Variants in PPP3R1 observed in about 807,000 individuals in gnomAD.
PPP3R1 encodes the protein calcineurin subunit B type 1.
Under a neutral mutation model 22.6 loss-of-function variants are expected in PPP3R1, and 5 were observed. That is an observed-to-expected ratio of 0.22 (90% CI 0.12 to 0.46). PPP3R1 has a LOEUF of 0.46. Among genes scored for constraint, PPP3R1 ranks in the 20% least tolerant of loss-of-function variants. The probability of loss-of-function intolerance (pLI) is 0.99; values close to 1 mark genes in which losing one functional copy is unlikely to be tolerated. For missense variants in PPP3R1, 61 were observed against 203.2 expected (o/e 0.30, Z 4.25); for synonymous variants, 56 against 65.2 (o/e 0.86, Z 0.68).
chr2:68,249,031 T>A (rs1670286949), intron 1 of PPP3R1, among the ~76,000 whole-genome samples: 1 of 152,196 alleles, frequency 6.6e-6, no homozygotes, highest in African/African-American at 2.4e-5. Context: ...TAGGAATGAA[T>A]CCCTGTTGCT....
chr2:68,248,952 G>A (rs1418530275), intron 1 of PPP3R1, among the ~76,000 whole-genome samples: 2 of 152,116 alleles, frequency 1.3e-5, no homozygotes, highest in African/African-American at 2.4e-5. Context: ...CTTAATCATT[G>A]CAATATCCTC....
chr2:68,248,103 A>G (rs1355511340), intron 1 of PPP3R1, among the ~76,000 whole-genome samples: 2 of 152,140 alleles, frequency 1.3e-5, no homozygotes, highest in African/African-American at 2.4e-5. Flanking sequence ...CTTCCTCTCC[A>G]GCCACGCTAA....
intron 1 of PPP3R1, among the ~76,000 whole-genome samples, chr2:68,245,157 G>A (rs1384285039): frequency 1.3e-5 from 2 of 152,124 alleles, no homozygotes; most frequent in African/African-American, 2.4e-5. Context: ...GACTGCTTGA[G>A]CTCAGGAGTT....
intron 2 of PPP3R1, among the ~76,000 whole-genome samples, chr2:68,192,475 G>C (rs1558628727): frequency 6.6e-6 from 1 of 152,130 alleles, no homozygotes; most frequent in East Asian, 1.9e-4. Context: ...CTATTTATTA[G>C]TCAATTTATT....
intron 2 of PPP3R1, among the ~76,000 whole-genome samples, chr2:68,215,878 T>C (rs1669569143): frequency 6.6e-6 from 1 of 152,104 alleles, no homozygotes; most frequent in Non-Finnish European, 1.5e-5. Context: ...ATATGAACAG[T>C]GTAAACAAGG....
At chr2:68,226,909 A>G (rs1669793643) in intron 1 of PPP3R1, among the ~76,000 whole-genome samples, 1 of 152,080 alleles carries the variant, frequency 6.6e-6, no homozygotes. Flanking sequence ...ACTTTTTATA[A>G]TGAGTATTAA....
chr2:68,197,301 C>T (rs551355500), intron 2 of PPP3R1, among the ~76,000 whole-genome samples: 15 of 152,166 alleles, frequency 9.9e-5, no homozygotes, highest in African/African-American at 3.6e-4. Context: ...TAGGTACTCG[C>T]GTCTATCTTC....
At chr2:68,229,973 T>TACACACACACACACACACACACACACAC (rs201152385) in intron 1 of PPP3R1, among the ~76,000 whole-genome samples, 8 of 143,138 alleles carry the variant, frequency 5.6e-5, no homozygotes, top group South Asian at 2.2e-4. Context: ...TATACACACA[T>TACACACACACACACACACACACACACAC]ACACACACAC....
intron 1 of PPP3R1, among the ~76,000 whole-genome samples, chr2:68,228,844 C>T (rs906166014): frequency 6.6e-6 from 1 of 151,882 alleles, no homozygotes; most frequent in South Asian, 2.1e-4. Context: ...ATGTTGTATT[C>T]TTATTTTCAT....
At chr2:68,200,278 TTG>T (rs1265840832) in intron 2 of PPP3R1, among the ~76,000 whole-genome samples, 2 of 152,214 alleles carry the variant, frequency 1.3e-5, no homozygotes, top group East Asian at 1.9e-4. Flanking sequence ...GATACTGTGA[TTG>T]TGTTTTGTTT....
intron 1 of PPP3R1, among the ~76,000 whole-genome samples, chr2:68,223,293 C>T (rs563538267): frequency 2.0e-5 from 3 of 152,104 alleles, no homozygotes; most frequent in Admixed American, 6.5e-5. Flanking sequence ...CTACTTGGGA[C>T]GCTGAGGCAG....
intron 2 of PPP3R1, among the ~76,000 whole-genome samples, chr2:68,189,083 CCT>C (rs1674608487): frequency 6.6e-6 from 1 of 152,126 alleles, no homozygotes; most frequent in African/African-American, 2.4e-5. Context: ...GTTCAATCAA[CCT>C]CTGTTCTGTA....
intron 2 of PPP3R1, among the ~76,000 whole-genome samples, chr2:68,197,704 T>C (rs1183099075): frequency 1.3e-5 from 2 of 152,112 alleles, no homozygotes; most frequent in African/African-American, 2.4e-5. Context: ...TTTGTGAAAT[T>C]CTCTATATAC....
rs142774581 is a variant in PPP3R1 at position 68,231,122 on chromosome 2, G to A, written c.4-13991C>T. ...CTTCTGTGACTCTAACGACACAAGT[G>A]TTAAATCTTTTTATAGACTCATGGT... On this transcript the variant is annotated intron_variant, in intron 1 of 5. Coordinates refer to ENST00000234310, the MANE Select transcript of PPP3R1 (RefSeq NM_000945.4). 2.5e-4 allele frequency among the ~76,000 whole-genome samples: 38 copies of A among 151,904 alleles called. No individual in the cohort carries two copies. The East Asian group carries it at 7.2e-3, about 29-fold the overall frequency.
chr2:68,206,790 G>T (rs1387204811), intron 2 of PPP3R1, among the ~76,000 whole-genome samples: 2 of 152,114 alleles, frequency 1.3e-5, no homozygotes, highest in African/African-American at 4.8e-5. Context: ...ACTTATCTGT[G>T]TGGCACAGGA....
intron 2 of PPP3R1, among the ~76,000 whole-genome samples, chr2:68,215,413 G>A (rs1010727161): frequency 6.6e-6 from 1 of 152,110 alleles, no homozygotes; most frequent in Non-Finnish European, 1.5e-5. Flanking sequence ...CCATAAGGAA[G>A]CCGCATAGTA....
chr2:68,206,536 G>A (rs1430363567), intron 2 of PPP3R1, among the ~76,000 whole-genome samples: 1 of 152,142 alleles, frequency 6.6e-6, no homozygotes, highest in Non-Finnish European at 1.5e-5. Context: ...TGATGATGTC[G>A]GTAACATATA....
intron 2 of PPP3R1, among the ~76,000 whole-genome samples, chr2:68,209,097 A>G (rs1033813365): frequency 3.3e-5 from 5 of 150,690 alleles, no homozygotes; most frequent in South Asian, 2.1e-4. Flanking sequence ...GGTGGCTCAC[A>G]CCTGTAATCC....
At chr2:68,236,399 G>A (rs951063877) in intron 1 of PPP3R1, among the ~76,000 whole-genome samples, 2 of 152,150 alleles carry the variant, frequency 1.3e-5, no homozygotes, top group African/African-American at 4.8e-5. Context: ...GTCCTTTGCA[G>A]AAAGAGTTTT....
Sources: allele counts gnomAD v4.1 joint callset (sites outside exome capture counted in the v4.1 genomes callset), GRCh38; gene constraint gnomAD v4.1.1; transcripts MANE v1.5; gene names NCBI Gene and HGNC (gene_info 2026-07-23, HGNC 2026-07-21).